The following ACOT7 variants were observed in gnomAD, a reference collection of about 807,000 sequenced individuals.
ACOT7 encodes the protein cytosolic acyl coenzyme A thioester hydrolase.
ACOT7 carries 12 observed loss-of-function variants against 40.2 expected under a neutral mutation model. The observed-to-expected ratio is 0.30, with a 90% CI of 0.19 to 0.48. ACOT7 has a LOEUF of 0.48. Among genes scored for constraint, ACOT7 ranks in the 20% least tolerant of loss-of-function variants. The pLI, the probability that ACOT7 is intolerant of heterozygous loss-of-function variation, is 0.99. For missense variants in ACOT7, 395 were observed against 530.8 expected (o/e 0.74, Z 2.51); for synonymous variants, 228 against 219.5 (o/e 1.04, Z -0.34).
In ACOT7 at chr1:6,282,996, G is replaced by A; in HGVS notation, c.830-1710C>T. 2.3e-6 allele frequency: 1 copy of A among 443,178 alleles called. No individual in the cohort carries two copies. Among genetic ancestry groups the A allele is most frequent in the South Asian group, 1.6e-5 (1 of 61,884 alleles). The allele number at this position is 443,178 out of a possible 1,614,324, so 27.5% of individuals were successfully genotyped here. A position where few individuals can be genotyped will look rare whatever the true frequency, so the allele number is the denominator to read the frequency against. On this transcript the variant is annotated intron_variant, in intron 7 of 8. Transcript: ENST00000361521. The surrounding 1 kb of genome is among the most constrained non-coding windows in gnomAD (Gnocchi z 4.5). Reference sequence around the variant, plus strand: ...CAACAATTGTGTATAACACTTGGGAGTCACAGGCCAAAAAGCAGGAACAAG... The same window carrying A: ...CAACAATTGTGTATAACACTTGGGAATCACAGGCCAAAAAGCAGGAACAAG...
chr1:6,361,591 G>C (rs1452527367), intron 1 of ACOT7, among the ~76,000 whole-genome samples: 1 of 152,076 alleles, frequency 6.6e-6, no homozygotes, highest in Admixed American at 6.6e-5. Context: ...CTGAGGTGAG[G>C]AGTTTTGACA....
At position 6,275,443 on chromosome 1, in the gene ACOT7, C is replaced by A. The variant is rs75502466; in HGVS notation, c.1014+5659G>T. ...CTCTGAAAGGCAAGGTAAAGATGGC[C>A]ACAGCTAGGCCAGGCGCGGTAGCTC... On this transcript the variant is annotated intron_variant, in intron 8 of 8. Transcript: ENST00000361521. The surrounding 1 kb of genome is among the most constrained non-coding windows in gnomAD (Gnocchi z 5.6). 3.8e-3 allele frequency among the ~76,000 whole-genome samples: 581 copies of A among 152,244 alleles called. 5 individuals carry two copies. The highest frequency in any genetic ancestry group is 0.014 in the African/African-American group (567 of 41,548).
chr1:6,276,851 T>A (rs780021284), intron 8 of ACOT7, among the ~76,000 whole-genome samples: 1 of 151,766 alleles, frequency 6.6e-6, no homozygotes, highest in East Asian at 1.9e-4. Context: ...CTTTAATGAG[T>A]GAGAAATAAC....
At position 6,343,942 on chromosome 1, in the gene ACOT7, A is replaced by C. The variant is rs61708766; in HGVS notation, c.262-4353T>G. On this transcript the variant is annotated intron_variant, in intron 2 of 8. Transcript: ENST00000361521. ...TGTGGGTCAGAGAAGCCTGGGTTCT[A>C]GCTGGGGGGACGGACGAGAAGTAAA... is the stretch of plus-strand genomic sequence containing the variant. 1.7e-4 allele frequency among the ~76,000 whole-genome samples: 26 copies of C among 152,294 alleles called. No individual in the cohort carries two copies. The East Asian group carries it at 5.0e-3, about 29-fold the overall frequency.
At chr1:6,281,024 TC>T in intron 8 of ACOT7, 77 bp downstream of exon 8, 1 of 1,530,716 alleles carries the variant, frequency 6.5e-7, no homozygotes. Flanking sequence ...AGGCACAGAT[TC>T]CCCCTGGAGG....
At chr1:6,363,771 C>T (rs1416164356) in intron 1 of ACOT7, among the ~76,000 whole-genome samples, 9 of 152,078 alleles carry the variant, frequency 5.9e-5, no homozygotes, top group African/African-American at 1.9e-4. Context: ...GCCAGGCATT[C>T]GGGGACACTA....
At chr1:6,313,253 T>A (rs1434778724) in intron 6 of ACOT7, among the ~76,000 whole-genome samples, 2 of 151,980 alleles carry the variant, frequency 1.3e-5, no homozygotes, top group Non-Finnish European at 2.9e-5. Flanking sequence ...TAATAAAAAG[T>A]CCCTGGAAGA....
chr1:6,272,592 C>G lies in ACOT7; in HGVS notation c.1015-7897G>C, dbSNP rs151243325. 3.9e-5 allele frequency among the ~76,000 whole-genome samples: 6 copies of G among 152,354 alleles called. No homozygotes were observed. In the East Asian group the frequency reaches 1.2e-3, roughly 29 times the overall value. On this transcript the variant is annotated intron_variant, in intron 8 of 8. Transcript: ENST00000361521. The stretch of plus-strand genomic sequence containing the variant: ...ACCGTGTGGGGCACAGGGCCTGTTT[C>G]TTCCTGCACCTTTGCTTGCAGGGCT...
intron 1 of ACOT7, among the ~76,000 whole-genome samples, chr1:6,382,294 C>T (rs534373614): frequency 2.6e-5 from 4 of 151,862 alleles, no homozygotes; most frequent in South Asian, 2.1e-4. Context: ...GTCCCAGCTA[C>T]GCGGGGGGCT....
At position 6,281,282 on chromosome 1, in the gene ACOT7, G is replaced by A. The variant is rs376115546; in HGVS notation, c.834C>T (p.Cys278=). The A allele has an allele frequency of 3.9e-5, 63 of 1,613,140 alleles. No individual in the cohort carries two copies. The highest frequency in any genetic ancestry group is 6.7e-5 in the African/African-American group (5 of 74,604). The stretch of plus-strand genomic sequence containing the variant: ...TCATGCGTCCCGAGATGGTGATGAC[G>A]CAGCCTGTGGAGAAGGGAGGGCGGG... ...INFHDKIRKG[C]VITISGRMTF... The change falls in exon 8 of 9, where the codon TGC becomes TGT. Residue 278 remains cysteine (C), a synonymous_variant. Coordinates refer to ENST00000361521, the MANE Select transcript of ACOT7 (RefSeq NM_007274.4).
chr1:6,368,220 G>A lies in ACOT7; in HGVS notation c.144-18354C>T, dbSNP rs543282536. ...CCAGACCCCTTCTACCCAGGAGCCT[G>A]TCTGTCTCTCGCCACTGTTCATGGC... On this transcript the variant is annotated intron_variant, in intron 1 of 8. Coordinates refer to ENST00000361521, the MANE Select transcript of ACOT7 (RefSeq NM_007274.4). Among the ~76,000 whole-genome samples the A allele has an allele frequency of 2.6e-3, 393 of 152,254 alleles. 1 individual carries two copies. The highest frequency in any genetic ancestry group is 8.8e-3 in the African/African-American group (365 of 41,544).
intron 1 of ACOT7, among the ~76,000 whole-genome samples, chr1:6,379,620 C>T (rs1029424076): frequency 3.3e-5 from 5 of 151,740 alleles, no homozygotes; most frequent in African/African-American, 1.2e-4. Context: ...TGCACCACCA[C>T]ACCTGGCTAA....
At chr1:6,360,271 C>T (rs556502928) in intron 1 of ACOT7, among the ~76,000 whole-genome samples, 41 of 152,368 alleles carry the variant, frequency 2.7e-4, no homozygotes, top group African/African-American at 9.6e-4. Context: ...CCCAAAATGT[C>T]TGCCCGGAGG....
Position 6,289,138 on chromosome 1 carries a change from C to T in ACOT7, c.829+5726G>A, listed in dbSNP as rs374943123. 3.8e-4 allele frequency among the ~76,000 whole-genome samples: 58 copies of T among 152,252 alleles called. 1 individual carries two copies. The highest frequency in any genetic ancestry group is 1.4e-3 in the African/African-American group (57 of 41,538). On this transcript the variant is annotated intron_variant, in intron 7 of 8. Transcript: ENST00000361521. This position sits in a 1 kb window ranked among gnomAD's most constrained non-coding sequence, Gnocchi z 4.6. ...TTTTTGAGACGGAGTCTCGCTCTGT[C>T]GCCCCGGCTGGAGTGCAGTGACACG...
rs749957769 is a variant in ACOT7 at position 6,339,641 on chromosome 1, A to G, written c.262-52T>C. 2.5e-6 allele frequency: 4 copies of G among 1,591,114 alleles called. No individual in the cohort carries two copies. In the South Asian group the frequency reaches 4.5e-5, roughly 18 times the overall value. ...CCAGGTCAGCCAGCCCAGCCCCGAGAGCCCCACCCAGGACATGCCCCCTGG... is the reference window on the plus strand; with the variant it reads ...CCAGGTCAGCCAGCCCAGCCCCGAGGGCCCCACCCAGGACATGCCCCCTGG... On this transcript the variant is annotated intron_variant, in intron 2 of 8. Coordinates refer to ENST00000361521, the MANE Select transcript of ACOT7 (RefSeq NM_007274.4).
At chr1:6,334,223 G>A (rs1487449352) in intron 3 of ACOT7, among the ~76,000 whole-genome samples, 3 of 152,222 alleles carry the variant, frequency 2.0e-5, no homozygotes, top group Admixed American at 6.5e-5. Flanking sequence ...GCAACTGATC[G>A]CTGCTGACAT....
intron 5 of ACOT7, among the ~76,000 whole-genome samples, chr1:6,324,682 C>T (rs891781883): frequency 1.3e-5 from 2 of 152,150 alleles, no homozygotes; most frequent in African/African-American, 4.8e-5. Context: ...TCCAGGCAGC[C>T]CCCATGTTCC....
In ACOT7 at chr1:6,299,499, T is replaced by C. The variant is rs368007283; in HGVS notation, c.713-4519A>G. ...TACCAGGCACCACACACAGAGGGCA[T>C]AGAGGACAGTCGGCCTCCCCTTACC... On this transcript the variant is annotated intron_variant, in intron 6 of 8. Coordinates refer to ENST00000361521, the MANE Select transcript of ACOT7 (RefSeq NM_007274.4). The surrounding 1 kb of genome is among the most constrained non-coding windows in gnomAD (Gnocchi z 4.1). 7.4e-5 allele frequency among the ~76,000 whole-genome samples: 11 copies of C among 149,458 alleles called. No individual in the cohort carries two copies. The highest frequency in any genetic ancestry group is 2.0e-4 in the East Asian group (1 of 5,064).
At chr1:6,385,843 C>T (rs1642431328) in intron 1 of ACOT7, 1 of 1,413,728 alleles carries the variant, frequency 7.1e-7, no homozygotes, top group Non-Finnish European at 9.2e-7. Context: ...CGGCAAGCCG[C>T]CTCCTCGGCT....
Sources: gnomAD v4.1 joint callset for allele counts (sites outside exome capture counted in the v4.1 genomes callset) on GRCh38, gnomAD v4.1.1 for gene constraint, Gnocchi (gnomAD v3.1) non-coding constraint, MANE v1.5 for transcripts, NCBI Gene and HGNC (gene_info 2026-07-23, HGNC 2026-07-21) for gene names.